The following SGPP2 variants were observed in gnomAD, a reference collection of about 807,000 sequenced individuals.
SGPP2 encodes the protein sphingosine 1-phosphate phosphohydrolase 2.
A neutral mutation model predicts 33.9 loss-of-function variants in SGPP2; 30 were observed. The ratio of observed to expected loss-of-function variants is 0.89; its 90% CI spans 0.66 to 1.20. SGPP2 has a LOEUF of 1.20. SGPP2 is among the 50% of genes most tolerant of loss of function. SGPP2 has a pLI of 0.00. For synonymous variants in SGPP2, 233 were observed against 225.0 expected (o/e 1.04, Z -0.32); for missense variants, 458 against 532.1 (o/e 0.86, Z 1.37).
At chr2:222,441,119 T>G (rs925528079) in intron 1 of SGPP2, among the ~76,000 whole-genome samples, 1 of 152,246 alleles carries the variant, frequency 6.6e-6, no homozygotes, top group East Asian at 1.9e-4. Flanking sequence ...CTGATGTACA[T>G]AAAAAGTAGA....
upstream of SGPP2, among the ~76,000 whole-genome samples, chr2:222,424,205 G>A (rs987177833): frequency 2.2e-4 from 34 of 151,242 alleles, no homozygotes; most frequent in African/African-American, 8.2e-4. Context: ...TAATGGGAGC[G>A]GCCGCAGGTG....
chr2:222,513,814 A>G (rs1305892634), intron 2 of SGPP2, among the ~76,000 whole-genome samples: 1 of 151,888 alleles, frequency 6.6e-6, no homozygotes, highest in East Asian at 2.0e-4. Flanking sequence ...AGGCAAAGAA[A>G]GGACCCTCCC....
chr2:222,491,577 C>G (rs1233245811), intron 2 of SGPP2, among the ~76,000 whole-genome samples: 1 of 152,120 alleles, frequency 6.6e-6, no homozygotes, highest in Non-Finnish European at 1.5e-5. Flanking sequence ...GGAAACCTCC[C>G]CCATGATCCA....
At chr2:222,429,789 A>G (rs1375501492) in intron 1 of SGPP2, among the ~76,000 whole-genome samples, 1 of 152,214 alleles carries the variant, frequency 6.6e-6, no homozygotes, top group African/African-American at 2.4e-5. Context: ...AAAAATGCAT[A>G]TATTATTGCT....
intron 2 of SGPP2, among the ~76,000 whole-genome samples, chr2:222,512,842 C>T (rs1270712851): frequency 6.6e-6 from 1 of 152,126 alleles, no homozygotes; most frequent in East Asian, 1.9e-4. Context: ...ATTCCATTGT[C>T]TACATGAACC....
At chr2:222,505,146 C>T (rs913811317) in intron 2 of SGPP2, among the ~76,000 whole-genome samples, 1 of 152,188 alleles carries the variant, frequency 6.6e-6, no homozygotes, top group African/African-American at 2.4e-5. Context: ...TTCATATTTA[C>T]TGCTTGCTTA....
chr2:222,430,118 A>C (rs900789290), intron 1 of SGPP2, among the ~76,000 whole-genome samples: 1 of 152,228 alleles, frequency 6.6e-6, no homozygotes, highest in African/African-American at 2.4e-5. Flanking sequence ...AGAACGATGA[A>C]TACAAGGACA....
intron 1 of SGPP2, among the ~76,000 whole-genome samples, chr2:222,473,262 A>G (rs1697876132): frequency 6.6e-6 from 1 of 152,186 alleles, no homozygotes; most frequent in Non-Finnish European, 1.5e-5. Flanking sequence ...GGTGTCAGCT[A>G]GGTGGTATTT....
At chr2:222,520,258 C>G (rs760446871) in intron 2 of SGPP2, among the ~76,000 whole-genome samples, 1 of 152,026 alleles carries the variant, frequency 6.6e-6, no homozygotes, top group Non-Finnish European at 1.5e-5. Flanking sequence ...TTGTATTTCT[C>G]TGATGATTTG....
chr2:222,462,097 G>T (rs141859207), intron 1 of SGPP2, among the ~76,000 whole-genome samples: 2 of 152,124 alleles, frequency 1.3e-5, no homozygotes, highest in Admixed American at 6.5e-5. Flanking sequence ...GCCTTAAAGC[G>T]TATGCTTGAA....
chr2:222,516,086 A>G (rs1466805018), intron 2 of SGPP2, among the ~76,000 whole-genome samples: 2 of 152,178 alleles, frequency 1.3e-5, no homozygotes, highest in Non-Finnish European at 2.9e-5. Context: ...ACATTTTAAC[A>G]TAGGTACCTA....
chr2:222,561,299 T>A lies in SGPP2; in HGVS notation c.*2401T>A, dbSNP rs1404317660. ...GGTACTCCCAGCCTTCATCTGCCCC[T>A]GCAGAGCAGTGGCTGTCAGCCGGAT... On this transcript the variant is annotated 3_prime_UTR_variant, in exon 5 of 5. Coordinates refer to ENST00000321276, the MANE Select transcript of SGPP2 (RefSeq NM_152386.4). 6.6e-6 allele frequency among the ~76,000 whole-genome samples: 1 copy of A among 152,044 alleles called. No homozygotes were observed. The highest frequency in any genetic ancestry group is 1.5e-5 in the Non-Finnish European group (1 of 67,992).
At chr2:222,551,055 C>T (rs1271302575) in intron 4 of SGPP2, among the ~76,000 whole-genome samples, 1 of 151,748 alleles carries the variant, frequency 6.6e-6, no homozygotes, top group Non-Finnish European at 1.5e-5. Context: ...GTAAAGAATA[C>T]TTATTCTCAC....
chr2:222,543,364 C>T (rs1353425797), intron 4 of SGPP2, among the ~76,000 whole-genome samples: 2 of 152,154 alleles, frequency 1.3e-5, no homozygotes, highest in Non-Finnish European at 2.9e-5. Context: ...TGCATACAGT[C>T]GTTCCCTGTT....
rs71417681 is a variant in SGPP2 at position 222,455,377 on chromosome 2, C to T, written c.220-19191C>T. Among the ~76,000 whole-genome samples, 920 of 152,112 alleles carry T rather than the reference C, an allele frequency of 6.0e-3. 5 individuals carry two copies. The highest frequency in any genetic ancestry group is 8.5e-3 in the Non-Finnish European group (575 of 67,994). On this transcript the variant is annotated intron_variant, in intron 1 of 4. Coordinates refer to ENST00000321276, the MANE Select transcript of SGPP2 (RefSeq NM_152386.4). ...AATCTCAGAGATGCGAAGGAGCCAACCAGGAGGAGAGTGTGCTTAGGACAA... is the reference window on the plus strand; with the variant it reads ...AATCTCAGAGATGCGAAGGAGCCAATCAGGAGGAGAGTGTGCTTAGGACAA...
Position 222,446,046 on chromosome 2 carries a change from G to A in SGPP2, c.219+21225G>A, listed in dbSNP as rs78706359. ...TGGGGACTGAAAAGAGCAGAGGAAC[G>A]AGTAGAAATAAAGTCATGGGTCTAC... On this transcript the variant is annotated intron_variant, in intron 1 of 4. Coordinates refer to ENST00000321276, the MANE Select transcript of SGPP2 (RefSeq NM_152386.4). Among the ~76,000 whole-genome samples the A allele has an allele frequency of 2.2e-3, 332 of 152,296 alleles. 7 individuals are homozygous for A. In the East Asian group the frequency reaches 0.057, roughly 26 times the overall value.
chr2:222,462,702 G>A (rs532067861), intron 1 of SGPP2, among the ~76,000 whole-genome samples: 7 of 152,224 alleles, frequency 4.6e-5, no homozygotes, highest in South Asian at 4.2e-4. Context: ...GGACCACGAG[G>A]AATGTTCCAG....
intron 4 of SGPP2, among the ~76,000 whole-genome samples, chr2:222,551,735 A>T (rs1158411512): frequency 6.6e-6 from 1 of 152,232 alleles, no homozygotes; most frequent in East Asian, 1.9e-4. Context: ...TGCACTGAAG[A>T]TGAACAGAAT....
intron 2 of SGPP2, among the ~76,000 whole-genome samples, chr2:222,513,214 C>T (rs1009159931): frequency 6.6e-6 from 1 of 152,136 alleles, no homozygotes; most frequent in Admixed American, 6.5e-5. Context: ...AGTTGGAATT[C>T]CCTAATGTCA....
Sources: allele counts gnomAD v4.1 joint callset (sites outside exome capture counted in the v4.1 genomes callset), GRCh38; gene constraint gnomAD v4.1.1; transcripts MANE v1.5; gene names NCBI Gene and HGNC (gene_info 2026-07-23, HGNC 2026-07-21).